Variants in ARRDC2 observed in about 807,000 individuals in gnomAD.
The protein encoded by ARRDC2 is arrestin domain-containing protein 2.
Under a neutral mutation model 38.9 loss-of-function variants are expected in ARRDC2, and 39 were observed. The ratio of observed to expected loss-of-function variants is 1.00; its 90% confidence interval spans 0.78 to 1.31. The LOEUF (loss-of-function observed/expected upper bound fraction) is 1.31. ARRDC2 is among the 50% of genes most tolerant of loss of function. ARRDC2 has a pLI of 0.00. For missense variants in ARRDC2, 553 were observed against 588.4 expected (o/e 0.94, Z 0.62); for synonymous variants, 300 against 261.9 (o/e 1.15, Z -1.41).
chr19:18,008,117 C>A, upstream of ARRDC2: 1 of 440,228 alleles, frequency 2.3e-6, no homozygotes, highest in Non-Finnish European at 3.6e-6. Context: ...GAGACGGTGA[C>A]CCCACCCCCC....
chr19:18,011,248 C>T (rs924599118), intron 7 of ARRDC2, among the ~76,000 whole-genome samples: 7 of 152,186 alleles, frequency 4.6e-5, no homozygotes, highest in African/African-American at 1.4e-4. Flanking sequence ...TGGCCTGCCT[C>T]GGCATCCCAA....
rs1206158760 is a variant in ARRDC2 at position 18,009,641 on chromosome 19, A to G, written c.539A>G (p.Asn180Ser). 1.2e-6 allele frequency: 2 copies of G among 1,610,922 alleles called. No individual in the cohort carries two copies. Among genetic ancestry groups the G allele is most frequent in the Non-Finnish European group, 8.5e-7 (1 of 1,177,726 alleles). ...AAGGTTGCCCGATCCTGGTACTGTA[A>G]CCGTGGCCTAGTCTCCCTTTCGGCC... ...REKVARSWYC[N>S]RGLVSLSAKI... is the part of the protein sequence containing the mutation. The change falls in exon 4 of 8, where the codon AAC becomes AGC. Residue 180 changes from asparagine (N) to serine (S), a missense_variant. By Grantham distance (46) the Asn-to-Ser change is conservative (BLOSUM62 1). Around this residue, in one of 3 missense-constraint regions of ARRDC2, gnomAD observed 447 missense variants for 456.6 expected, o/e 0.98. Transcript: ENST00000222250.
chr19:18,005,916 G>GGCT (rs1287362291), upstream of ARRDC2, among the ~76,000 whole-genome samples: 9 of 149,958 alleles, frequency 6.0e-5, no homozygotes, highest in Admixed American at 1.3e-4. Flanking sequence ...CAGACGGGGC[G>GGCT]GCCGGGCAGA....
In ARRDC2 at chr19:18,008,756, T is replaced by C; in HGVS notation, c.320T>C (p.Leu107Pro). ...TTLPPGRHEF[L>P]FSFQLPPTLV... ...CTGCCTCCTGGGCGCCATGAGTTCC[T>C]GTTCAGCTTCCAGCTGCCCCCGTAA... Residue 107 changes from leucine to proline, a missense_variant, in exon 2 of 8, where the codon CTG becomes CCG. This residue lies in a region of ARRDC2 where 447 missense variants were observed against 456.6 expected (regional missense o/e 0.98). Transcript: ENST00000222250. 6.2e-7 allele frequency: 1 copy of C among 1,613,632 alleles called. No homozygotes were observed. The highest frequency in any genetic ancestry group is 1.3e-5 in the African/African-American group (1 of 75,042).
At chr19:18,008,120 C>CCCCCCCCCCCCCCCCCCCCGGG, upstream of ARRDC2, 1 of 572,698 alleles carries the variant, frequency 1.7e-6, no homozygotes, top group Non-Finnish European at 2.6e-6. Flanking sequence ...ACGGTGACCC[C>CCCCCCCCCCCCCCCCCCCCGGG]ACCCCCCCCC....
At chr19:18,012,805 CTCAT>C (rs2033439827) in intron 7 of ARRDC2, 104 bp from the exon 8 acceptor site, 6 of 1,192,012 alleles carry the variant, frequency 5.0e-6, no homozygotes, top group Admixed American at 3.8e-5. Flanking sequence ...TCCTGATGGC[CTCAT>C]CCCTGGTCAA....
At chr19:18,010,922 C>G (rs2033399252) in intron 7 of ARRDC2, among the ~76,000 whole-genome samples, 193 bp downstream of exon 7, 1 of 151,964 alleles carries the variant, frequency 6.6e-6, no homozygotes, top group African/African-American at 2.4e-5. Context: ...TCAAGCAATC[C>G]TTTCGCCTCA....
rs754997423 is a variant in ARRDC2, at chr19:18,008,559, C to T, written c.249C>T (p.Ser83=). ...ACAGTGAACGCGTGGAGGTCGTGAG[C>T]CACCGCGCCACGCTCCTGGCGCCAG... ...QSYSERVEVV[S]HRATLLAPDT... is the part of the protein sequence containing the mutation. The change falls in exon 1 of 8, where the codon AGC becomes AGT. Residue 83 remains serine (S), a synonymous_variant. Coordinates refer to ENST00000222250, the MANE Select transcript of ARRDC2 (RefSeq NM_015683.2). The T allele has an allele frequency of 6.4e-7, 1 of 1,573,430 alleles. No homozygotes were observed. The highest frequency in any genetic ancestry group is 1.1e-5 in the South Asian group (1 of 88,834).
upstream of ARRDC2, chr19:18,008,156 A>T: frequency 9.9e-6 from 8 of 805,442 alleles, no homozygotes; most frequent in South Asian, 3.5e-5. Flanking sequence ...AGCGGCGCCG[A>T]CGCACGGCGC....
At chr19:18,001,587 C>T (rs1301625355) in intron 1 of ARRDC2, 34 of 1,312,100 alleles carry the variant, frequency 2.6e-5, no homozygotes, top group African/African-American at 1.1e-4. Flanking sequence ...AGACACTCGT[C>T]GCGCCGCCCC....
At chr19:18,009,342 G>C in intron 3 of ARRDC2, 1 of 648,004 alleles carries the variant, frequency 1.5e-6, no homozygotes, top group South Asian at 1.9e-5. Context: ...TGCCTCTTCT[G>C]TGAAATAGAC....
intron 1 of ARRDC2, among the ~76,000 whole-genome samples, chr19:18,002,793 G>C (rs896699000): frequency 6.6e-6 from 1 of 152,146 alleles, no homozygotes; most frequent in African/African-American, 2.4e-5. Flanking sequence ...GACACTCAAC[G>C]GCGACTTCCT....
At chr19:18,011,209 G>A (rs2033405367) in intron 7 of ARRDC2, among the ~76,000 whole-genome samples, 2 of 152,124 alleles carry the variant, frequency 1.3e-5, no homozygotes, top group African/African-American at 4.8e-5. Context: ...TGTTGGTCAG[G>A]CTGGTCTTGA....
chr19:18,006,112 G>C (rs1224003827), upstream of ARRDC2, among the ~76,000 whole-genome samples: 1 of 150,992 alleles, frequency 6.6e-6, no homozygotes, highest in Non-Finnish European at 1.5e-5. Flanking sequence ...GTGGGATGGC[G>C]GCCGGGCAGA....
Position 18,008,178 on chromosome 19 carries a change from G to C in ARRDC2, c.-133G>C. On this transcript the variant is annotated 5_prime_UTR_variant, in exon 1 of 8. Transcript: ENST00000222250. ...CCGACGCACGGCGCGGGGATTTTCT[G>C]CTCCGGTTGGTGAGCGCGCCTGCGC... The C allele has an allele frequency of 8.0e-7, 1 of 1,244,718 alleles. No individual in the cohort carries two copies. The highest frequency in any genetic ancestry group is 1.0e-6 in the Non-Finnish European group (1 of 980,718). 77.1% of individuals were successfully genotyped at this position (1,244,718 alleles called of 1,614,324 possible). A position where few individuals can be genotyped will look rare whatever the true frequency, so the allele number is the denominator to read the frequency against.
chr19:18,009,828 G>C lies in ARRDC2; in HGVS notation c.638G>C (p.Arg213Pro). ...GCCGAGATCGACAACGGCTCCACAC[G>C]TCCTGTGCTGCCTCGGGCAGCCGTG... is the stretch of plus-strand genomic sequence containing the variant. ...VFAEIDNGST[R>P]PVLPRAAVVQ... The change falls in exon 5 of 8, where the codon CGT (arginine) becomes CCT (proline). Residue 213 changes from arginine (R) to proline (P), a missense_variant. Physicochemically the swap from Arg to Pro is moderately radical, Grantham distance 103 (BLOSUM62 -2). Transcript: ENST00000222250. The C allele has an allele frequency of 6.2e-7, 1 of 1,612,428 alleles. No individual in the cohort carries two copies. Among genetic ancestry groups the C allele is most frequent in the Non-Finnish European group, 8.5e-7 (1 of 1,179,878 alleles).
upstream of ARRDC2, among the ~76,000 whole-genome samples, chr19:18,003,191 C>G (rs12981683): frequency 6.6e-6 from 1 of 151,946 alleles, no homozygotes; most frequent in African/African-American, 2.4e-5. Context: ...GAGGCTGAAG[C>G]GGAAGGATTG....
At chr19:18,012,482 G>A (rs908290073) in intron 7 of ARRDC2, among the ~76,000 whole-genome samples, 17 of 152,066 alleles carry the variant, frequency 1.1e-4, no homozygotes, top group African/African-American at 3.9e-4. Context: ...AGCTACTCAC[G>A]AGGCTGAGGC....
chr19:18,010,033 A>G lies in ARRDC2; in HGVS notation c.843A>G (p.Ala281=), dbSNP rs138386027. The change falls in exon 5 of 8, where the codon GCA becomes GCG. Residue 281 remains alanine (A), a synonymous_variant. Coordinates refer to ENST00000222250, the MANE Select transcript of ARRDC2 (RefSeq NM_015683.2). ...LHCRVLHVDY[A]LKVCVDIPGT... ...GCCGCGTTCTACACGTGGACTACGC[A>G]CTCAAGGTAGGGCATCCTGCTGGCC... 7.4e-4 allele frequency: 1,189 copies of G among 1,603,266 alleles called. 1 individual carries two copies. Among genetic ancestry groups the G allele is most frequent in the Non-Finnish European group, 9.3e-4 (1,094 of 1,179,626 alleles).
Sources: gnomAD v4.1 joint callset for allele counts (sites outside exome capture counted in the v4.1 genomes callset) on GRCh38, gnomAD v4.1.1 for gene constraint, gnomAD v4.1.1 regional missense constraint, MANE v1.5 for transcripts, NCBI Gene and HGNC (gene_info 2026-07-23, HGNC 2026-07-21) for gene names.